The following ADCYAP1 variants were observed in gnomAD, a reference collection of about 807,000 sequenced individuals.
The protein encoded by ADCYAP1 is adenylate cyclase activating polypeptide 1.
In ADCYAP1, 6 loss-of-function variants were observed where a neutral mutation model predicts 18.5. The observed-to-expected ratio is 0.32, with a 90% CI of 0.18 to 0.64. ADCYAP1 has a LOEUF of 0.64. Ranked by LOEUF, ADCYAP1 falls within the 30% of genes least tolerant of loss-of-function variation. The pLI is 0.77. For missense variants in ADCYAP1, 314 were observed against 253.6 expected (o/e 1.24, Z -1.62); for synonymous variants, 136 against 113.9 (o/e 1.19, Z -1.24).
intron 3 of ADCYAP1, 169 bp from the exon 4 acceptor site, chr18:908,096 A>T: frequency 2.9e-6 from 2 of 681,078 alleles, no homozygotes; most frequent in Non-Finnish European, 4.9e-6. Context: ...CGATCCTAGC[A>T]GTTGCTCTCG....
At chr18:904,651 G>A (rs1909087362), upstream of ADCYAP1, 5 of 1,229,830 alleles carry the variant, frequency 4.1e-6, no homozygotes, top group South Asian at 4.2e-5. Context: ...ACAAAGGCGG[G>A]CTAGCCGCCC....
chr18:908,172 C>T lies in ADCYAP1; in HGVS notation c.243-93C>T, dbSNP rs770776837. 24 of 1,164,924 alleles carry T rather than the reference C, an allele frequency of 2.1e-5. No homozygotes were observed. In the African/African-American group the frequency reaches 3.3e-4, roughly 16 times the overall value. 72.2% of individuals were successfully genotyped at this position (1,164,924 alleles called of 1,614,324 possible). A position where few individuals can be genotyped will look rare whatever the true frequency, so the allele number is the denominator to read the frequency against. ...AGGTTTCCCTGTCAGCCTCCCCGGC[C>T]GCCGAGGGGGCGCGCGCCCAACAAG... On this transcript the variant is annotated intron_variant, in intron 3 of 4. Transcript: ENST00000450565.
Position 910,793 on chromosome 18 carries a change from G to A in ADCYAP1, c.*1158G>A, listed in dbSNP as rs1909360232. On this transcript the variant is annotated 3_prime_UTR_variant, in exon 5 of 5. Transcript: ENST00000450565. ...CCCTTTTCCTTTGTGGTTTTATGGA[G>A]ACCTCTCCTTCCTACCCTCCTGCAC... 1 of 152,136 alleles carries A rather than the reference G, an allele frequency of 6.6e-6. No individual in the cohort carries two copies. Among genetic ancestry groups the A allele is most frequent in the Non-Finnish European group, 1.5e-5 (1 of 68,034 alleles). The allele number at this position is 152,136 out of a possible 1,614,324, so 9.4% of individuals were successfully genotyped here.
intron 2 of ADCYAP1, among the ~76,000 whole-genome samples, chr18:907,229 TGGGCCTCCCCATTC>T (rs1032348649): frequency 6.6e-6 from 1 of 152,220 alleles, no homozygotes; most frequent in Non-Finnish European, 1.5e-5. Flanking sequence ...CTTTGCTTTC[TGGGCCTCCCCATTC>T]GGGTCTTCGC....
At chr18:907,830 G>A (rs1296601991) in intron 3 of ADCYAP1, 40 bp downstream of exon 3, 2 of 1,417,896 alleles carry the variant, frequency 1.4e-6, no homozygotes, top group South Asian at 1.6e-5. Flanking sequence ...GCGGCTGGGA[G>A]CTCGGGACTG....
In ADCYAP1 at chr18:904,920, G is replaced by A. The variant is rs576442689; in HGVS notation, c.-142G>A. The A allele has an allele frequency of 7.8e-7, 1 of 1,289,848 alleles. No individual in the cohort carries two copies. Among genetic ancestry groups the A allele is most frequent in the Non-Finnish European group, 1.0e-6 (1 of 989,208 alleles). 79.9% of individuals were successfully genotyped at this position (1,289,848 alleles called of 1,614,324 possible). On this transcript the variant is annotated 5_prime_UTR_variant, in exon 1 of 5. Transcript: ENST00000450565. ...TCCCGCAGCTCCTCCTGCTGCTCCC[G>A]CTGGTTCCTGCGGCTTCTGCTCAGA...
chr18:904,883 T>C lies in ADCYAP1; in HGVS notation c.-179T>C. 1.6e-6 allele frequency: 2 copies of C among 1,288,308 alleles called. No individual in the cohort carries two copies. Among genetic ancestry groups the C allele is most frequent in the Non-Finnish European group, 2.0e-6 (2 of 987,912 alleles). 79.8% of individuals were successfully genotyped at this position (1,288,308 alleles called of 1,614,324 possible). A position where few individuals can be genotyped will look rare whatever the true frequency, so the allele number is the denominator to read the frequency against. The stretch of plus-strand genomic sequence containing the variant: ...CAAACTTTTGAGCAGAACACGAGCC[T>C]CGGCAAACGAGTCCCGCAGCTCCTC... On this transcript the variant is annotated 5_prime_UTR_variant, in exon 1 of 5. Coordinates refer to ENST00000450565, the MANE Select transcript of ADCYAP1 (RefSeq NM_001099733.2).
In ADCYAP1 at chr18:909,872, G is replaced by C. The variant is rs1909321476; in HGVS notation, c.*237G>C. On this transcript the variant is annotated 3_prime_UTR_variant, in exon 5 of 5. Transcript: ENST00000450565. ...GATATATATTATAAATATATATAAA[G>C]AATATATATATATATATATATATAT... 1.9e-5 allele frequency: 1 copy of C among 53,926 alleles called. No individual in the cohort carries two copies. The highest frequency in any genetic ancestry group is 3.2e-5 in the Non-Finnish European group (1 of 31,034). The allele number at this position is 53,926 out of a possible 1,614,324, so 3.3% of individuals were successfully genotyped here. A position where few individuals can be genotyped will look rare whatever the true frequency, so the allele number is the denominator to read the frequency against.
At chr18:905,556 T>G (rs544682110) in intron 2 of ADCYAP1, 60 bp downstream of exon 2, 1 of 1,579,350 alleles carries the variant, frequency 6.3e-7, no homozygotes, top group African/African-American at 1.3e-5. Flanking sequence ...AGACGCTTCC[T>G]CACGGTCTCC....
At chr18:905,870 C>A (rs1909151694) in intron 2 of ADCYAP1, 1 of 265,866 alleles carries the variant, frequency 3.8e-6, no homozygotes, top group Non-Finnish European at 7.1e-6. Context: ...GCTCTGGAGC[C>A]TGGCCGGGGG....
rs1909390210 is a variant in ADCYAP1, at chr18:911,580, A to T, written c.*1945A>T. 1 of 152,228 alleles carries T rather than the reference A, an allele frequency of 6.6e-6. No individual in the cohort carries two copies. The highest frequency in any genetic ancestry group is 2.4e-5 in the African/African-American group (1 of 41,456). The allele number at this position is 152,228 out of a possible 1,614,324, so 9.4% of individuals were successfully genotyped here. ...GATGCTGCCAGGAGATCACATTGCA[A>T]ATAGTGAAAACAGAGGCATTCGGTC... is the stretch of plus-strand genomic sequence containing the variant. On this transcript the variant is annotated 3_prime_UTR_variant, in exon 5 of 5. Transcript: ENST00000450565.
At chr18:906,757 G>C (rs1299832054) in intron 2 of ADCYAP1, 1 of 152,258 alleles carries the variant, frequency 6.6e-6, no homozygotes, top group African/African-American at 2.4e-5. Context: ...AAAGCGAGAG[G>C]GATTTGTTTT....
intron 1 of ADCYAP1, 97 bp downstream of exon 1, chr18:905,157 G>T: frequency 7.1e-7 from 1 of 1,400,450 alleles, no homozygotes; most frequent in Non-Finnish European, 9.3e-7. Context: ...CCTTCAGCCG[G>T]GTCTGGCTAG....
At chr18:904,700 T>G (rs1909088883), upstream of ADCYAP1, 3 of 1,219,102 alleles carry the variant, frequency 2.5e-6, no homozygotes, top group Non-Finnish European at 3.1e-6. Flanking sequence ...TTTCTGACTT[T>G]CCCTCTTTCC....
intron 4 of ADCYAP1, among the ~76,000 whole-genome samples, chr18:909,190 T>C (rs1470510640): frequency 6.6e-6 from 1 of 152,244 alleles, no homozygotes; most frequent in Non-Finnish European, 1.5e-5. Context: ...GCGCGTCGCC[T>C]GCCCGGATCT....
At position 910,722 on chromosome 18, in the gene ADCYAP1, G is replaced by A. The variant is rs1164364712; in HGVS notation, c.*1087G>A. 6.6e-6 allele frequency: 1 copy of A among 152,264 alleles called. No individual in the cohort carries two copies. The highest frequency in any genetic ancestry group is 1.9e-4 in the East Asian group (1 of 5,200). The allele number at this position is 152,264 out of a possible 1,614,324, so 9.4% of individuals were successfully genotyped here. ...GTGCTGTCCATGCTTCTCATCTTGT[G>A]AAATGGCCAGGATCCTCTCCTTTGA... On this transcript the variant is annotated 3_prime_UTR_variant, in exon 5 of 5. Transcript: ENST00000450565.
At chr18:908,634 A>G in intron 4 of ADCYAP1, among the ~76,000 whole-genome samples, 1 of 152,238 alleles carries the variant, frequency 6.6e-6, no homozygotes, top group East Asian at 1.9e-4. Flanking sequence ...CAAACCTCTC[A>G]GTCATCCAAA....
chr18:907,292 C>A (rs1909203533), intron 2 of ADCYAP1, among the ~76,000 whole-genome samples: 2 of 152,226 alleles, frequency 1.3e-5, no homozygotes, highest in Admixed American at 1.3e-4. Context: ...TTTCTCGTCC[C>A]CGCCCGTTGC....
At chr18:905,228 G>A (rs1909116943) in intron 1 of ADCYAP1, 158 bp from the exon 2 acceptor site, 3 of 1,462,834 alleles carry the variant, frequency 2.1e-6, no homozygotes, top group African/African-American at 1.4e-5. Context: ...CAAGCAAGAA[G>A]TGGCAGGGCG....
Sources: allele counts gnomAD v4.1 joint callset (sites outside exome capture counted in the v4.1 genomes callset), GRCh38; gene constraint gnomAD v4.1.1; transcripts MANE v1.5; gene names NCBI Gene and HGNC (gene_info 2026-07-23, HGNC 2026-07-21).